Variants in TBK1 observed in about 807,000 individuals in gnomAD.
TBK1 encodes the protein serine/threonine-protein kinase TBK1.
Under a neutral mutation model 99.9 loss-of-function variants are expected in TBK1, and 37 were observed. That is an observed-to-expected ratio of 0.37 (90% CI 0.28 to 0.49). The LOEUF is 0.49. Ranked by LOEUF, TBK1 falls within the 20% of genes least tolerant of loss-of-function variation. The probability of loss-of-function intolerance (pLI) is 0.98; values close to 1 mark genes in which losing one functional copy is unlikely to be tolerated. For missense variants in TBK1, 644 were observed against 872.5 expected, an observed-to-expected ratio of 0.74 and a Z score of 3.30; for synonymous variants, 258 against 279.8, an observed-to-expected ratio of 0.92 and a Z score of 0.78.
rs541191846 is a variant in TBK1, at chr12:64,501,645, A to T, written c.*264A>T. Reference sequence around the variant, plus strand: ...GAGAAGAAAGCCATGACCGACCAATATGTTGACATACTGATCCTCTACTCT... The same window carrying T: ...GAGAAGAAAGCCATGACCGACCAATTTGTTGACATACTGATCCTCTACTCT... On this transcript the variant is annotated 3_prime_UTR_variant, in exon 21 of 21. Transcript: ENST00000331710. 1.8e-5 allele frequency: 7 copies of T among 385,998 alleles called. No homozygotes were observed. In the South Asian group the frequency reaches 2.5e-4, roughly 14 times the overall value. 23.9% of individuals were successfully genotyped at this position (385,998 alleles called of 1,614,324 possible).
intron 5 of TBK1, among the ~76,000 whole-genome samples, chr12:64,471,670 A>G (rs2040663777): frequency 1.3e-5 from 2 of 152,118 alleles, no homozygotes; most frequent in South Asian, 2.1e-4. Context: ...ACTGTTTTTA[A>G]TATGATGGAT....
At chr12:64,489,645 T>G (rs1005670773) in intron 12 of TBK1, among the ~76,000 whole-genome samples, 1 of 151,580 alleles carries the variant, frequency 6.6e-6, no homozygotes, top group Non-Finnish European at 1.5e-5. Context: ...CACTGCTCAC[T>G]GCAACCTCCG....
chr12:64,467,150 T>C (rs2040614654), intron 5 of TBK1, 68 bp downstream of exon 5: 6 of 1,240,928 alleles, frequency 4.8e-6, no homozygotes, highest in Non-Finnish European at 6.5e-6. Context: ...ATTGGGTAAT[T>C]GGTCAGCCAA....
At chr12:64,469,512 C>T (rs1411990733) in intron 5 of TBK1, among the ~76,000 whole-genome samples, 1 of 152,146 alleles carries the variant, frequency 6.6e-6, no homozygotes, top group Non-Finnish European at 1.5e-5. Flanking sequence ...TTATATTTGG[C>T]TAGACCATGC....
chr12:64,453,561 T>C (rs1592348929), intron 1 of TBK1, among the ~76,000 whole-genome samples: 1 of 152,238 alleles, frequency 6.6e-6, no homozygotes, highest in East Asian at 1.9e-4. Flanking sequence ...TATCAGTGAT[T>C]GGTAAAATTG....
At chr12:64,486,899 C>G (rs892638424) in intron 11 of TBK1, among the ~76,000 whole-genome samples, 3 of 152,104 alleles carry the variant, frequency 2.0e-5, no homozygotes, top group Non-Finnish European at 4.4e-5. Context: ...CCTAAACAGC[C>G]CTGCCCTAGG....
chr12:64,495,837 G>A (rs2040919922), intron 15 of TBK1, 62 bp downstream of exon 15: 2 of 1,288,682 alleles, frequency 1.6e-6, no homozygotes, highest in African/African-American at 1.6e-5. Flanking sequence ...TTATAATTCA[G>A]TTAAATTAAT....
intron 5 of TBK1, 26 bp from the exon 6 acceptor site, chr12:64,474,204 T>C (rs757687559): frequency 6.3e-7 from 1 of 1,587,126 alleles, no homozygotes; most frequent in South Asian, 1.2e-5. Flanking sequence ...AGGTTCATGA[T>C]TTTTTTCTTT....
At chr12:64,458,833 G>A (rs2040517662) in intron 2 of TBK1, among the ~76,000 whole-genome samples, 1 of 152,130 alleles carries the variant, frequency 6.6e-6, no homozygotes, top group African/African-American at 2.4e-5. Flanking sequence ...CTTAACCCTT[G>A]CTGAACTGAG....
At chr12:64,499,838 C>T (rs1399611436) in intron 20 of TBK1, among the ~76,000 whole-genome samples, 1 of 151,586 alleles carries the variant, frequency 6.6e-6, no homozygotes, top group Non-Finnish European at 1.5e-5. Context: ...ACTGGGACTA[C>T]AGGCACACGC....
Position 64,456,799 on chromosome 12 carries a change from A to G in TBK1, c.87+842A>G, listed in dbSNP as rs546512296. The stretch of plus-strand genomic sequence containing the variant: ...GGAGGCTGCAGTGAGCCAAGATAGC[A>G]CCACTGCACTCCAGCCTGGGTGACA... On this transcript the variant is annotated intron_variant, in intron 2 of 20. Coordinates refer to ENST00000331710, the MANE Select transcript of TBK1 (RefSeq NM_013254.4). Among the ~76,000 whole-genome samples the G allele has an allele frequency of 1.3e-4, 20 of 151,378 alleles. 1 individual carries two copies. The highest frequency in any genetic ancestry group is 3.9e-4 in the East Asian group (2 of 5,130).
chr12:64,498,028 C>T lies in TBK1; in HGVS notation c.2127C>T (p.His709=). The T allele has an allele frequency of 6.3e-7, 1 of 1,599,476 alleles. No homozygotes were observed. The change falls in exon 20 of 21, where the codon CAC becomes CAT. Residue 709 remains histidine, a synonymous_variant. Transcript: ENST00000331710. ...TTAAAGAACTTGCTGAAAATAACCA[C>T]ATTTTAGAAAGGTGAGTAATGCAAA... is the stretch of plus-strand genomic sequence containing the variant. The part of the protein sequence containing the change: ...GVVKELAENN[H]ILERFGSLTM...
intron 12 of TBK1, among the ~76,000 whole-genome samples, chr12:64,489,709 C>T (rs577784929): frequency 6.6e-6 from 1 of 151,050 alleles, no homozygotes; most frequent in African/African-American, 2.4e-5. Context: ...ACTGGGACTA[C>T]AGGTGCATGC....
chr12:64,497,626 T>TG, intron 18 of TBK1, 22 bp from the exon 19 acceptor site: 1 of 1,427,164 alleles, frequency 7.0e-7, no homozygotes, highest in South Asian at 1.4e-5. Context: ...TTTTTCTTTT[T>TG]TTTTTTTTTT....
chr12:64,484,036 CACACACACACACAG>C, intron 8 of TBK1: 2 of 216,814 alleles, frequency 9.2e-6, no homozygotes, highest in South Asian at 1.8e-4. Flanking sequence ...CACACACACA[CACACACACACACAG>C]AGGAAAGAAA....
At chr12:64,490,664 G>A (rs1026285384) in intron 13 of TBK1, among the ~76,000 whole-genome samples, 24 of 152,116 alleles carry the variant, frequency 1.6e-4, no homozygotes, top group Admixed American at 5.2e-4. Flanking sequence ...TAGGCTGGGC[G>A]CGGTGGCTCA....
chr12:64,465,250 A>AAAAAAC (rs2040590566), intron 4 of TBK1, among the ~76,000 whole-genome samples: 2 of 150,772 alleles, frequency 1.3e-5, no homozygotes, highest in South Asian at 4.2e-4. Context: ...CTCAAAAAAA[A>AAAAAAC]AAAAAAAAAA....
intron 13 of TBK1, among the ~76,000 whole-genome samples, chr12:64,491,572 G>A (rs1202503064): frequency 2.6e-5 from 4 of 152,118 alleles, no homozygotes; most frequent in South Asian, 2.1e-4. Context: ...ACAGTGAGCC[G>A]AGATCGTGCC....
At chr12:64,499,306 A>G (rs1011656873) in intron 20 of TBK1, among the ~76,000 whole-genome samples, 1 of 151,842 alleles carries the variant, frequency 6.6e-6, no homozygotes, top group Non-Finnish European at 1.5e-5. Flanking sequence ...CAGCCTCCCA[A>G]AGTGCTGGGA....
Sources: allele counts gnomAD v4.1 joint callset (sites outside exome capture counted in the v4.1 genomes callset), GRCh38; gene constraint gnomAD v4.1.1; transcripts MANE v1.5; gene names NCBI Gene and HGNC (gene_info 2026-07-23, HGNC 2026-07-21).